Variants in DNAH6 observed in about 807,000 individuals in gnomAD.
DNAH6 encodes the protein axonemal beta dynein heavy chain 6.
DNAH6 carries 340 observed loss-of-function variants against 491.4 expected under a neutral mutation model. The observed-to-expected ratio is 0.69, with a 90% confidence interval of 0.63 to 0.76. The LOEUF is 0.76. Ranked by LOEUF, DNAH6 falls within the 30% of genes least tolerant of loss-of-function variation. DNAH6 has a pLI of 0.00. For synonymous variants in DNAH6, 1,603 were observed against 1,686.1 expected (o/e 0.95, Z 1.21); for missense variants, 4,443 against 4,972.2 (o/e 0.89, Z 3.20).
chr2:84,739,618 T>G (rs1168359596), intron 62 of DNAH6, among the ~76,000 whole-genome samples: 4 of 152,232 alleles, frequency 2.6e-5, no homozygotes, highest in Non-Finnish European at 5.9e-5. Flanking sequence ...AAGTCTTTCT[T>G]TTGCCTGGTC....
rs961404091 is a variant in DNAH6 at position 84,653,182 on chromosome 2, CA to C, written c.5079-134del. The C allele has an allele frequency of 3.1e-5, 24 of 777,560 alleles. No homozygotes were observed. In the African/African-American group the frequency reaches 4.0e-4, roughly 13 times the overall value. 48.2% of individuals were successfully genotyped at this position (777,560 alleles called of 1,614,324 possible). On this transcript the variant is annotated intron_variant, in intron 33 of 76. Transcript: ENST00000389394. ...ATAGATTCTGGTACAGCACATAGGA[CA>C]AACTAATACTGTACATGTCAGAAGA...
In DNAH6 at chr2:84,816,000, A is replaced by G. The variant is rs1367705052; in HGVS notation, c.12290A>G (p.Gln4097Arg). The part of the protein sequence containing the change: ...PVLPVVHFEP[Q>R]QNYKPSPTLY... ...CTGCCTGTGGTGCATTTTGAACCAC[A>G]ACAAAACTATAAGCCAAGCCCAACA... is the stretch of plus-strand genomic sequence containing the variant. Residue 4097 changes from glutamine (Q) to arginine (R), a missense_variant, in exon 76 of 77, where the codon CAA (glutamine) becomes CGA (arginine). Transcript: ENST00000389394. 6.4e-7 allele frequency: 1 copy of G among 1,551,896 alleles called. No individual in the cohort carries two copies. The highest frequency in any genetic ancestry group is 2.0e-5 in the Admixed American group (1 of 51,006).
the DNAH6 span, among the ~76,000 whole-genome samples, chr2:84,486,949 C>T: frequency 1.3e-5 from 2 of 152,036 alleles, no homozygotes; most frequent in African/African-American, 2.4e-5. Context: ...TGCTCAGTGG[C>T]GGGTTACAAG....
chr2:84,678,051 C>G (rs1373728370), intron 41 of DNAH6, among the ~76,000 whole-genome samples: 1 of 152,134 alleles, frequency 6.6e-6, no homozygotes, highest in Non-Finnish European at 1.5e-5. Flanking sequence ...AGTAGAAGCC[C>G]TCTCTCAAGA....
At chr2:84,473,212 A>C in the DNAH6 span, among the ~76,000 whole-genome samples, 2 of 152,206 alleles carry the variant, frequency 1.3e-5, no homozygotes, top group African/African-American at 4.8e-5. Context: ...AAAACTGCCA[A>C]ATTAATTTAC....
chr2:84,489,273 A>G, the DNAH6 span, among the ~76,000 whole-genome samples: 1 of 152,140 alleles, frequency 6.6e-6, no homozygotes, highest in African/African-American at 2.4e-5. Flanking sequence ...CTAGAAAATT[A>G]TGTATTCTTC....
chr2:84,672,292 A>T (rs1264900990), intron 39 of DNAH6, 35 bp from the exon 40 acceptor site: 1 of 1,536,252 alleles, frequency 6.5e-7, no homozygotes, highest in Non-Finnish European at 8.8e-7. Context: ...AGGGAAAATC[A>T]TAATTCTTAA....
At chr2:84,610,292 A>G (rs771464012) in intron 21 of DNAH6, among the ~76,000 whole-genome samples, 1 of 152,168 alleles carries the variant, frequency 6.6e-6, no homozygotes, top group African/African-American at 2.4e-5. Context: ...TCCTAGCAAG[A>G]TGACTATTAC....
chr2:84,771,208 A>C (rs1311626859), intron 64 of DNAH6, among the ~76,000 whole-genome samples: 2 of 152,020 alleles, frequency 1.3e-5, no homozygotes, highest in Non-Finnish European at 2.9e-5. Context: ...GAACCACTTG[A>C]ATCTGGGAGG....
Position 84,699,745 on chromosome 2 carries a change from T to C in DNAH6, c.7818+11T>C, listed in dbSNP as rs1695715455. 2 of 1,548,634 alleles carry C rather than the reference T, an allele frequency of 1.3e-6. No homozygotes were observed. Among genetic ancestry groups the C allele is most frequent in the Non-Finnish European group, 1.7e-6 (2 of 1,145,592 alleles). On this transcript the variant is annotated intron_variant, in intron 48 of 76. Coordinates refer to ENST00000389394, the MANE Select transcript of DNAH6 (RefSeq NM_001370.2). ...GACTGGTTTGTGCAGGTTGGTGACA[T>C]CCCAGGATATCTCTTTGAGAAGTTG...
chr2:84,483,239 C>T, the DNAH6 span, among the ~76,000 whole-genome samples: 1 of 152,112 alleles, frequency 6.6e-6, no homozygotes, highest in Admixed American at 6.6e-5. Flanking sequence ...GCTGGGATTA[C>T]ACGTGTGAAC....
Position 84,619,775 on chromosome 2 carries a change from C to G in DNAH6, c.3663C>G (p.Phe1221Leu). Residue 1221 changes from phenylalanine to leucine, a missense_variant, in exon 24 of 77, where the codon TTC (phenylalanine) becomes TTG (leucine). By Grantham distance (22) the Phe-to-Leu change is conservative. Coordinates refer to ENST00000389394, the MANE Select transcript of DNAH6 (RefSeq NM_001370.2). ...QAVQPHLRKC[F>L]DSISKLEFAL... ...TGCAGCCACACTTAAGGAAATGCTT[C>G]GACTCCATTTCAAAGCTCGAATTTG... 1.3e-6 allele frequency: 2 copies of G among 1,551,542 alleles called. No homozygotes were observed. The highest frequency in any genetic ancestry group is 4.9e-5 in the East Asian group (2 of 40,910).
the DNAH6 span, among the ~76,000 whole-genome samples, chr2:84,478,080 C>T: frequency 2.0e-5 from 3 of 152,192 alleles, no homozygotes; most frequent in Non-Finnish European, 4.4e-5. Flanking sequence ...TCAGGCCCCA[C>T]TGTAGGTACT....
chr2:84,593,559 C>T lies in DNAH6; in HGVS notation c.2611-413C>T, dbSNP rs1244440800. Among the ~76,000 whole-genome samples the T allele has an allele frequency of 2.6e-5, 4 of 152,180 alleles. No homozygotes were observed. In the South Asian group the frequency reaches 8.3e-4, roughly 31 times the overall value. On this transcript the variant is annotated intron_variant, in intron 16 of 76. Transcript: ENST00000389394. ...CTTCACCATCTTCCCCACCAGCTACCGCACAGTCATCTCCCTCTTCTGCCC... is the reference window on the plus strand; with the variant it reads ...CTTCACCATCTTCCCCACCAGCTACTGCACAGTCATCTCCCTCTTCTGCCC...
chr2:84,807,912 G>A (rs1018525860), intron 71 of DNAH6, among the ~76,000 whole-genome samples: 1 of 152,022 alleles, frequency 6.6e-6, no homozygotes, highest in African/African-American at 2.4e-5. Flanking sequence ...ATGAAAATAA[G>A]CAGGCTTCTC....
At chr2:84,680,340 T>G (rs143878722) in intron 41 of DNAH6, among the ~76,000 whole-genome samples, 1 of 152,212 alleles carries the variant, frequency 6.6e-6, no homozygotes, top group East Asian at 1.9e-4. Context: ...TAAAAAACAA[T>G]AATGATTTTT....
chr2:84,685,596 G>T, intron 43 of DNAH6, 124 bp downstream of exon 43: 1 of 474,210 alleles, frequency 2.1e-6, no homozygotes, highest in Non-Finnish European at 3.6e-6. Context: ...TTTCTTTGAT[G>T]GTTCAAATAT....
chr2:84,598,188 T>TTTTCTTTC lies in DNAH6; in HGVS notation c.2868+2413_2868+2420dup, dbSNP rs55731012. Among the ~76,000 whole-genome samples, 108 of 132,958 alleles carry TTTTCTTTC rather than the reference T, an allele frequency of 8.1e-4. 4 individuals carry two copies. The highest frequency in any genetic ancestry group is 3.5e-3 in the South Asian group (14 of 4,030). 87.2% of individuals were successfully genotyped at this position (132,958 alleles called of 152,430 possible). On this transcript the variant is annotated intron_variant, in intron 18 of 76. Transcript: ENST00000389394. ...CTTTCTTTCTTTCTTTCTCTCTTTC[T>TTTTCTTTC]TTTCTTTCTTTCTTTCTTTCTATGA...
At chr2:84,556,065 C>T in intron 10 of DNAH6, among the ~76,000 whole-genome samples, 1 of 152,134 alleles carries the variant, frequency 6.6e-6, no homozygotes, top group East Asian at 1.9e-4. Context: ...TCTCCATTGC[C>T]TGTAGTAGCA....
Sources: gnomAD v4.1 joint callset for allele counts (sites outside exome capture counted in the v4.1 genomes callset) on GRCh38, gnomAD v4.1.1 for gene constraint, MANE v1.5 for transcripts, NCBI Gene and HGNC (gene_info 2026-07-23, HGNC 2026-07-21) for gene names.